NELFA: variants seen among roughly 807,000 people sequenced by gnomAD.
NELFA encodes the protein negative elongation factor A.
In NELFA, 35 loss-of-function variants were observed where a neutral mutation model predicts 51.8. The observed-to-expected ratio is 0.68, with a 90% CI of 0.52 to 0.90. The LOEUF is 0.90. NELFA is among the 40% of genes least tolerant of loss of function. NELFA has a pLI of 0.00. For synonymous variants in NELFA, 417 were observed against 338.4 expected (o/e 1.23, Z -2.55); for missense variants, 658 against 746.4 (o/e 0.88, Z 1.38).
intron 1 of NELFA, chr4:2,007,882 C>T (rs917658509): frequency 2.2e-6 from 1 of 444,508 alleles, no homozygotes; most frequent in Non-Finnish European, 4.5e-6. Flanking sequence ...AACCATGGGG[C>T]TTCAATAGTC....
intron 1 of NELFA, among the ~76,000 whole-genome samples, chr4:2,001,512 C>T (rs1728565260): frequency 6.6e-6 from 1 of 152,172 alleles, no homozygotes; most frequent in African/African-American, 2.4e-5. Flanking sequence ...TGAATGAACT[C>T]CCATTCAAAA....
At chr4:1,994,582 A>G (rs1241627561) in intron 1 of NELFA, among the ~76,000 whole-genome samples, 1 of 151,254 alleles carries the variant, frequency 6.6e-6, no homozygotes, top group Non-Finnish European at 1.5e-5. Flanking sequence ...AAAGCCGGGC[A>G]TGGTGGCTCA....
chr4:1,992,305 T>C (rs573836087), intron 1 of NELFA: 3 of 246,412 alleles, frequency 1.2e-5, no homozygotes, highest in East Asian at 1.8e-4. Flanking sequence ...TCGTGGAGCC[T>C]GGAGGTGGCC....
chr4:2,003,424 T>C (rs1370855976), intron 1 of NELFA, among the ~76,000 whole-genome samples: 1 of 152,170 alleles, frequency 6.6e-6, no homozygotes, highest in Non-Finnish European at 1.5e-5. Context: ...AAGACACACG[T>C]ACAGGTATGT....
chr4:1,996,097 G>A (rs555743651), intron 1 of NELFA, among the ~76,000 whole-genome samples: 4 of 152,198 alleles, frequency 2.6e-5, no homozygotes, highest in South Asian at 2.1e-4. Context: ...CATATGATTC[G>A]CAAGCTTACT....
At position 1,984,059 on chromosome 4, in the gene NELFA, G is replaced by A; in HGVS notation, c.1091C>T (p.Pro364Leu). 6.2e-7 allele frequency: 1 copy of A among 1,600,874 alleles called. No homozygotes were observed. Among genetic ancestry groups the A allele is most frequent in the Non-Finnish European group, 8.5e-7 (1 of 1,177,462 alleles). Residue 364 changes from proline (P) to leucine (L), a missense_variant, in exon 9 of 11, where the codon CCC becomes CTC. Pro to Leu is a moderately conservative substitution (Grantham distance 98). Coordinates refer to ENST00000382882, the MANE Select transcript of NELFA (RefSeq NM_005663.5). The part of the protein sequence containing the change: ...RPPEEPSAPS[P>L]TLPAQFKQRA... ...CTGCTTGAACTGCGCTGGCAACGTG[G>A]GGCTCGGGGCGCTGGGCTCCTCTGG...
Position 2,008,785 on chromosome 4 carries a change from C to A in NELFA, c.175G>T (p.Gly59Trp), listed in dbSNP as rs548003009. The A allele has an allele frequency of 6.2e-7, 1 of 1,612,216 alleles. No individual in the cohort carries two copies. Among genetic ancestry groups the A allele is most frequent in the Admixed American group, 1.7e-5 (1 of 59,846 alleles). The change falls in exon 1 of 11, where the codon GGG (glycine) becomes TGG (tryptophan). Residue 59 changes from glycine (G) to tryptophan (W), a missense_variant. Gly to Trp is a radical substitution (Grantham distance 184). Transcript: ENST00000382882. ...GTGCGGCGCGGGAGGTGCAGCGTCC[C>A]GAGTAGCAACTTGAGCTTCACTGCC... ...SSAVKLKLLL[G>W]TLHLPRRTVD...
chr4:1,985,764 C>T lies in NELFA; in HGVS notation c.924+12G>A. 1.2e-6 allele frequency: 2 copies of T among 1,611,846 alleles called. No homozygotes were observed. The highest frequency in any genetic ancestry group is 1.7e-5 in the Admixed American group (1 of 59,944). ...AGTGGTGCCAGACATGGGGTGCAGC[C>T]CCGAGCCCTACCTGCGTGGACACCA... On this transcript the variant is annotated intron_variant, in intron 7 of 10. Transcript: ENST00000382882.
intron 1 of NELFA, among the ~76,000 whole-genome samples, chr4:1,997,997 A>G (rs1728476987): frequency 6.6e-6 from 1 of 152,096 alleles, no homozygotes; most frequent in Admixed American, 6.5e-5. Flanking sequence ...AATCAGATGA[A>G]TATGGCCTGA....
intron 8 of NELFA, among the ~76,000 whole-genome samples, chr4:1,984,521 G>A (rs1209267786): frequency 1.3e-5 from 2 of 152,212 alleles, no homozygotes; most frequent in Non-Finnish European, 2.9e-5. Flanking sequence ...AACAAGAGCT[G>A]GGTCACCTGG....
intron 1 of NELFA, among the ~76,000 whole-genome samples, chr4:1,995,489 C>CT (rs34459229): frequency 5.9e-5 from 9 of 152,066 alleles, no homozygotes; most frequent in African/African-American, 2.4e-5. Flanking sequence ...TCTTATAAAC[C>CT]TTTTTTTAAA....
intron 1 of NELFA, among the ~76,000 whole-genome samples, chr4:2,006,786 A>G (rs967468919): frequency 3.7e-5 from 5 of 134,470 alleles, no homozygotes; most frequent in African/African-American, 1.4e-4. Context: ...AAAAAAAAAA[A>G]AAAAAAAAGG....
chr4:1,987,278 C>CA (rs1728133209), intron 4 of NELFA, among the ~76,000 whole-genome samples: 1 of 152,230 alleles, frequency 6.6e-6, no homozygotes, highest in Admixed American at 6.5e-5. Context: ...CACAGGACGA[C>CA]ACCCGTCCTG....
chr4:1,989,664 G>A lies in NELFA; in HGVS notation c.544+44C>T, dbSNP rs762527043. Reference sequence around the variant, plus strand: ...CTTAGAACCTAAGAAACCTATGACTGGAAACTACAAAGACAATGCCCGATG... The same window carrying A: ...CTTAGAACCTAAGAAACCTATGACTAGAAACTACAAAGACAATGCCCGATG... On this transcript the variant is annotated intron_variant, in intron 3 of 10. Transcript: ENST00000382882. This position sits in a 1 kb window ranked among gnomAD's most constrained non-coding sequence, Gnocchi z 4.8. The A allele has an allele frequency of 2.0e-5, 32 of 1,585,628 alleles. No individual in the cohort carries two copies. Among genetic ancestry groups the A allele is most frequent in the East Asian group, 6.7e-5 (3 of 44,692 alleles).
chr4:2,005,808 T>G (rs142469883), intron 1 of NELFA, among the ~76,000 whole-genome samples: 1 of 152,006 alleles, frequency 6.6e-6, no homozygotes, highest in East Asian at 1.9e-4. Flanking sequence ...TGGAAAAATA[T>G]GAAATAGGTG....
intron 1 of NELFA, 40 bp downstream of exon 1, chr4:2,008,710 T>G (rs770988369): frequency 6.4e-7 from 1 of 1,568,662 alleles, no homozygotes; most frequent in Non-Finnish European, 8.6e-7. Flanking sequence ...GGTGGGAAGG[T>G]TGGGAATCTG....
chr4:2,002,179 G>A (rs138357163), intron 1 of NELFA, among the ~76,000 whole-genome samples: 9 of 151,976 alleles, frequency 5.9e-5, no homozygotes, highest in South Asian at 2.1e-4. Flanking sequence ...CAGCCTGGGC[G>A]ACAAAGCGAG....
intron 2 of NELFA, 140 bp downstream of exon 2, chr4:1,991,404 T>C: frequency 1.2e-6 from 1 of 837,716 alleles, no homozygotes; most frequent in Non-Finnish European, 1.9e-6. Context: ...GGGAGGATGG[T>C]GCATATACAG....
intron 3 of NELFA, among the ~76,000 whole-genome samples, chr4:1,988,427 G>A (rs558332536): frequency 6.6e-6 from 1 of 152,410 alleles, no homozygotes; most frequent in South Asian, 2.1e-4. Flanking sequence ...TTGGTTCAGT[G>A]TGGCTGAAGG....
Sources: gnomAD v4.1 joint callset for allele counts (sites outside exome capture counted in the v4.1 genomes callset) on GRCh38, gnomAD v4.1.1 for gene constraint, Gnocchi (gnomAD v3.1) non-coding constraint, MANE v1.5 for transcripts, NCBI Gene and HGNC (gene_info 2026-07-23, HGNC 2026-07-21) for gene names.